Variants in TSPAN5 observed in about 807,000 individuals in gnomAD.
The protein encoded by TSPAN5 is tetraspanin-5.
In TSPAN5, 10 loss-of-function variants were observed where a neutral mutation model predicts 37.1. The ratio of observed to expected loss-of-function variants is 0.27; its 90% CI spans 0.17 to 0.46. TSPAN5 has a LOEUF of 0.46. TSPAN5 is among the 20% of genes least tolerant of loss of function. The probability of loss-of-function intolerance (pLI) is 1.00; values close to 1 mark genes in which losing one functional copy is unlikely to be tolerated. For synonymous variants in TSPAN5, 110 were observed against 118.9 expected (o/e 0.93, Z 0.48); for missense variants, 195 against 326.6 (o/e 0.60, Z 3.11).
chr4:98,490,400 A>G (rs1465461288), intron 2 of TSPAN5, among the ~76,000 whole-genome samples: 1 of 152,228 alleles, frequency 6.6e-6, no homozygotes, highest in Non-Finnish European at 1.5e-5. Context: ...CTTCTCAGAC[A>G]AACTCATTTT....
chr4:98,637,681 T>C (rs904926199), intron 1 of TSPAN5, among the ~76,000 whole-genome samples: 11 of 152,172 alleles, frequency 7.2e-5, no homozygotes, highest in African/African-American at 2.4e-4. Flanking sequence ...AATACACTTT[T>C]ACAGCTCTAT....
chr4:98,626,005 A>C (rs1248766026), intron 1 of TSPAN5, among the ~76,000 whole-genome samples: 1 of 152,202 alleles, frequency 6.6e-6, no homozygotes, highest in Non-Finnish European at 1.5e-5. Flanking sequence ...TTTTCCATAA[A>C]CCAATTATTC....
chr4:98,631,299 G>A (rs545259658), intron 1 of TSPAN5, among the ~76,000 whole-genome samples: 1 of 152,248 alleles, frequency 6.6e-6, no homozygotes, highest in South Asian at 2.1e-4. Flanking sequence ...GAAGTGGCAA[G>A]AAAGTGAGGA....
intron 1 of TSPAN5, among the ~76,000 whole-genome samples, chr4:98,521,909 T>C (rs1375535510): frequency 6.6e-6 from 1 of 152,202 alleles, no homozygotes; most frequent in Non-Finnish European, 1.5e-5. Flanking sequence ...ATTTATACAT[T>C]TAAAGAGAGG....
At chr4:98,582,833 A>G (rs1459783628) in intron 1 of TSPAN5, among the ~76,000 whole-genome samples, 1 of 152,206 alleles carries the variant, frequency 6.6e-6, no homozygotes, top group African/African-American at 2.4e-5. Context: ...GGCAAGGATT[A>G]TGTTGACTTT....
At position 98,478,688 on chromosome 4, in the gene TSPAN5, G is replaced by C. The variant is rs139802406; in HGVS notation, c.573C>G (p.Pro191=). ...TAGTTCGCTGGCATTCACTTACTGC[G>C]GGATCTTTAGTGCAGCAGGAGAATG... The part of the protein sequence containing the change: ...GVPFSCCTKD[P]AEDVINTQCG... Residue 191 remains proline, a synonymous_variant, in exon 5 of 8, where the codon CCC becomes CCG. Coordinates refer to ENST00000305798, the MANE Select transcript of TSPAN5 (RefSeq NM_005723.4). The C allele has an allele frequency of 6.2e-7, 1 of 1,614,062 alleles. No individual in the cohort carries two copies. The highest frequency in any genetic ancestry group is 1.7e-5 in the Admixed American group (1 of 60,016).
intron 1 of TSPAN5, among the ~76,000 whole-genome samples, chr4:98,653,838 T>C (rs1046457137): frequency 5.3e-5 from 8 of 152,240 alleles, no homozygotes; most frequent in Admixed American, 3.9e-4. Context: ...TTTTCAAAGA[T>C]GGCCACAACC....
chr4:98,570,380 C>A (rs1339358385), intron 1 of TSPAN5, among the ~76,000 whole-genome samples: 1 of 152,158 alleles, frequency 6.6e-6, no homozygotes. Flanking sequence ...CCAAACCATA[C>A]GTAAGGCACT....
intron 1 of TSPAN5, among the ~76,000 whole-genome samples, chr4:98,625,579 T>C (rs1007842660): frequency 6.6e-6 from 1 of 152,214 alleles, no homozygotes; most frequent in African/African-American, 2.4e-5. Flanking sequence ...ACCCCTTCCT[T>C]CCTGTGAACC....
At chr4:98,587,630 C>T (rs1409067142) in intron 1 of TSPAN5, among the ~76,000 whole-genome samples, 1 of 152,190 alleles carries the variant, frequency 6.6e-6, no homozygotes, top group Non-Finnish European at 1.5e-5. Context: ...TGGCTCATGC[C>T]TGTAATCCCA....
rs187043834 is a variant in TSPAN5, at chr4:98,504,666, C to A, written c.132+3012G>T. 1.1e-4 allele frequency among the ~76,000 whole-genome samples: 17 copies of A among 152,282 alleles called. No homozygotes were observed. In the East Asian group the frequency reaches 3.1e-3, roughly 28 times the overall value. ...TGTGCTGAGGGAGGTCTCATTTAAT[C>A]TTCACAACAATTCTATAAGGTGAGA... On this transcript the variant is annotated intron_variant, in intron 2 of 7. Coordinates refer to ENST00000305798, the MANE Select transcript of TSPAN5 (RefSeq NM_005723.4).
chr4:98,581,074 T>A (rs138462402), intron 1 of TSPAN5, among the ~76,000 whole-genome samples: 2 of 152,196 alleles, frequency 1.3e-5, no homozygotes, highest in Non-Finnish European at 2.9e-5. Flanking sequence ...ACGGGAACAA[T>A]CTGTTGGCAC....
At chr4:98,649,209 A>T (rs1431315457) in intron 1 of TSPAN5, among the ~76,000 whole-genome samples, 1 of 152,064 alleles carries the variant, frequency 6.6e-6, no homozygotes, top group East Asian at 1.9e-4. Context: ...CCAAAATATC[A>T]AACTAATAAC....
chr4:98,621,245 C>T (rs1756473220), intron 1 of TSPAN5, among the ~76,000 whole-genome samples: 1 of 152,122 alleles, frequency 6.6e-6, no homozygotes, highest in Non-Finnish European at 1.5e-5. Context: ...GAAACCAACC[C>T]TGTGACACCT....
chr4:98,595,215 G>T lies in TSPAN5; in HGVS notation c.81+62931C>A, dbSNP rs1161738090. Among the ~76,000 whole-genome samples the T allele has an allele frequency of 1.6e-4, 17 of 106,144 alleles. 1 individual carries two copies. The highest frequency in any genetic ancestry group is 2.2e-4 in the Non-Finnish European group (12 of 54,924). The allele number at this position is 106,144 out of a possible 152,430, so 69.6% of individuals were successfully genotyped here. On this transcript the variant is annotated intron_variant, in intron 1 of 7. Transcript: ENST00000305798. ...GTATCCATTTCTTCTAGATTTTCTA[G>T]TTTATTTGCGTAGAGGTGTTTGTAG...
chr4:98,653,238 T>G (rs943523486), intron 1 of TSPAN5, among the ~76,000 whole-genome samples: 7 of 152,072 alleles, frequency 4.6e-5, no homozygotes, highest in Non-Finnish European at 1.5e-5. Context: ...AAGATAAAGC[T>G]TCCTACTTGA....
chr4:98,560,515 G>A (rs1486518079), intron 1 of TSPAN5, among the ~76,000 whole-genome samples: 5 of 152,180 alleles, frequency 3.3e-5, no homozygotes, highest in African/African-American at 4.8e-5. Flanking sequence ...GGCAGGGGGC[G>A]TGTTTTCCTT....
chr4:98,601,780 T>A (rs1392938325), intron 1 of TSPAN5, among the ~76,000 whole-genome samples: 1 of 152,234 alleles, frequency 6.6e-6, no homozygotes, highest in Non-Finnish European at 1.5e-5. Flanking sequence ...TGGCCCAAGT[T>A]TTTTGGTCTA....
intron 2 of TSPAN5, among the ~76,000 whole-genome samples, chr4:98,498,327 A>G (rs1389591742): frequency 6.6e-6 from 1 of 152,190 alleles, no homozygotes; most frequent in Non-Finnish European, 1.5e-5. Flanking sequence ...CCTGTGATCT[A>G]TTGCTGGAAG....
Sources: allele counts gnomAD v4.1 joint callset (sites outside exome capture counted in the v4.1 genomes callset), GRCh38; gene constraint gnomAD v4.1.1; transcripts MANE v1.5; gene names NCBI Gene and HGNC (gene_info 2026-07-23, HGNC 2026-07-21).